GRAMD2B: variants seen among roughly 807,000 people sequenced by gnomAD.
GRAMD2B encodes the protein GRAM domain-containing protein 2B.
A neutral mutation model predicts 59.2 loss-of-function variants in GRAMD2B; 41 were observed. The observed-to-expected ratio is 0.69, with a 90% confidence interval of 0.54 to 0.90. The LOEUF (loss-of-function observed/expected upper bound fraction) is 0.90, where lower values mean the gene tolerates loss of function less well. Among genes scored for constraint, GRAMD2B ranks in the 40% least tolerant of loss-of-function variants. The pLI is 0.00. For missense variants in GRAMD2B, 424 were observed against 500.5 expected (o/e 0.85, Z 1.46); for synonymous variants, 161 against 182.7 (o/e 0.88, Z 0.96).
intron 1 of GRAMD2B, among the ~76,000 whole-genome samples, chr5:126,397,790 T>TC (rs1288997044): frequency 6.6e-6 from 1 of 152,200 alleles, no homozygotes; most frequent in Non-Finnish European, 1.5e-5. Flanking sequence ...TGAAAATTTT[T>TC]GTATCTGTGT....
intron 1 of GRAMD2B, among the ~76,000 whole-genome samples, chr5:126,364,742 C>G (rs1378164001): frequency 6.6e-6 from 1 of 152,224 alleles, no homozygotes; most frequent in Non-Finnish European, 1.5e-5. Context: ...CCTATTGGCT[C>G]TAAAACCTCT....
At position 126,468,158 on chromosome 5, in the gene GRAMD2B, C is replaced by T. The variant is rs376314596; in HGVS notation, c.204-1519C>T. Among the ~76,000 whole-genome samples the T allele has an allele frequency of 1.2e-4, 19 of 152,306 alleles. 2 individuals are homozygous for T. The highest frequency in any genetic ancestry group is 2.6e-4 in the Admixed American group (4 of 15,296). On this transcript the variant is annotated intron_variant, in intron 2 of 13. Transcript: ENST00000285689. ...TATATAACTCCAAAAATCATCTATG[C>T]ATTCTACTTTGAAATGACTGCGTTT...
chr5:126,448,290 A>G (rs1764720316), intron 1 of GRAMD2B, among the ~76,000 whole-genome samples: 1 of 152,168 alleles, frequency 6.6e-6, no homozygotes, highest in African/African-American at 2.4e-5. Flanking sequence ...GTTGCCAGGT[A>G]GGAGGTGACC....
chr5:126,488,652 G>A, intron 12 of GRAMD2B, 147 bp from the exon 13 acceptor site: 1 of 535,514 alleles, frequency 1.9e-6, no homozygotes, highest in South Asian at 2.9e-5. Flanking sequence ...GCGGATTACT[G>A]CAGGGCTTTG....
intron 1 of GRAMD2B, among the ~76,000 whole-genome samples, chr5:126,406,949 TAAC>T (rs1028866547): frequency 1.8e-4 from 27 of 152,158 alleles, no homozygotes; most frequent in African/African-American, 6.5e-4. Flanking sequence ...GTAATAACAA[TAAC>T]AAACTCTGTA....
At chr5:126,466,335 G>C in intron 2 of GRAMD2B, 1 of 1,334,186 alleles carries the variant, frequency 7.5e-7, no homozygotes, top group Non-Finnish European at 1.1e-6. Context: ...TCAGGACCAA[G>C]AGTAAGTCTT....
chr5:126,360,183 G>A (rs530634713), exon 1 of GRAMD2B: 57 of 856,978 alleles, frequency 6.7e-5, no homozygotes, highest in Non-Finnish European at 8.3e-5. Flanking sequence ...CTGAGCAGAC[G>A]CTGAAAGAGA....
intron 1 of GRAMD2B, among the ~76,000 whole-genome samples, chr5:126,399,465 C>T (rs1201485462): frequency 6.6e-6 from 1 of 152,084 alleles, no homozygotes; most frequent in African/African-American, 2.4e-5. Context: ...TGTGAGTTCT[C>T]ACAAGTTTAA....
intron 1 of GRAMD2B, among the ~76,000 whole-genome samples, chr5:126,409,449 C>A (rs1758564240): frequency 1.3e-5 from 2 of 152,184 alleles, no homozygotes; most frequent in Non-Finnish European, 2.9e-5. Context: ...TGATGGTGAG[C>A]ATTTTTTCAT....
In GRAMD2B at chr5:126,391,336, AAAAAC is replaced by A. The variant is rs1452081594; in HGVS notation, c.125+19770_125+19774del. On this transcript the variant is annotated intron_variant, in intron 1 of 8. Transcript: ENST00000506445. ...CTCCATCTCAAAAAAAAAAAAAAAA[AAAAAC>A]TTGTACACTGTTATTTGTCAGTTAT... 2.1e-4 allele frequency among the ~76,000 whole-genome samples: 29 copies of A among 139,496 alleles called. No homozygotes were observed. In the East Asian group the frequency reaches 5.9e-3, roughly 29 times the overall value. The allele number at this position is 139,496 out of a possible 152,430, so 91.5% of individuals were successfully genotyped here.
chr5:126,380,100 C>A lies in GRAMD2B; in HGVS notation c.125+8533C>A, dbSNP rs113621579. On this transcript the variant is annotated intron_variant, in intron 1 of 8. Transcript: ENST00000506445. ...GATTTTTATATAAGGTGGGAGATGACGATACAGTTTCATTCTTCTGCATGT... is the reference window on the plus strand; with the variant it reads ...GATTTTTATATAAGGTGGGAGATGAAGATACAGTTTCATTCTTCTGCATGT... Among the ~76,000 whole-genome samples, 9 of 152,064 alleles carry A rather than the reference C, an allele frequency of 5.9e-5. No homozygotes were observed. The South Asian group carries it at 1.9e-3, about 32-fold the overall frequency.
intron 1 of GRAMD2B, among the ~76,000 whole-genome samples, chr5:126,455,279 T>C (rs1281636194): frequency 6.6e-6 from 1 of 152,232 alleles, no homozygotes; most frequent in African/African-American, 2.4e-5. Context: ...AAGGTGGGCA[T>C]TTAATATCTT....
At chr5:126,491,363 T>G (rs1773905414) in intron 13 of GRAMD2B, among the ~76,000 whole-genome samples, 1 of 152,216 alleles carries the variant, frequency 6.6e-6, no homozygotes. Flanking sequence ...TTTTCTTAGT[T>G]CTGGAAGTGG....
Position 126,472,201 on chromosome 5 carries a change from T to C in GRAMD2B, c.316-37T>C, listed in dbSNP as rs762132612. On this transcript the variant is annotated intron_variant, in intron 3 of 13. Coordinates refer to ENST00000285689, the MANE Select transcript of GRAMD2B (RefSeq NM_023927.4). ...GAATTTGTGATGTTTCACAAGAAAGTGAGAATGGTGATGCTTGTATTTTGT... is the reference window on the plus strand; with the variant it reads ...GAATTTGTGATGTTTCACAAGAAAGCGAGAATGGTGATGCTTGTATTTTGT... 3 of 1,515,366 alleles carry C rather than the reference T, an allele frequency of 2.0e-6. No individual in the cohort carries two copies. The East Asian group carries it at 6.8e-5, about 34-fold the overall frequency. 93.9% of individuals were successfully genotyped at this position (1,515,366 alleles called of 1,614,324 possible). A position where few individuals can be genotyped will look rare whatever the true frequency, so the allele number is the denominator to read the frequency against.
chr5:126,475,163 C>T (rs1482720383), intron 5 of GRAMD2B, among the ~76,000 whole-genome samples: 1 of 152,144 alleles, frequency 6.6e-6, no homozygotes, highest in Non-Finnish European at 1.5e-5. Context: ...TTAATCCGGA[C>T]CTTTTTAGTC....
chr5:126,455,797 C>T (rs537708836), intron 1 of GRAMD2B, among the ~76,000 whole-genome samples: 3 of 152,248 alleles, frequency 2.0e-5, no homozygotes, highest in African/African-American at 4.8e-5. Context: ...GACATAGTGC[C>T]CTCCCCATAC....
chr5:126,389,834 G>C (rs1392612633), intron 1 of GRAMD2B, among the ~76,000 whole-genome samples: 1 of 152,030 alleles, frequency 6.6e-6, no homozygotes, highest in Non-Finnish European at 1.5e-5. Context: ...TGTAGTCCCA[G>C]CTACTTGGGA....
At chr5:126,453,055 A>G (rs1427520440) in intron 1 of GRAMD2B, among the ~76,000 whole-genome samples, 1 of 152,184 alleles carries the variant, frequency 6.6e-6, no homozygotes, top group Non-Finnish European at 1.5e-5. Flanking sequence ...GTGACATCCA[A>G]TTGCTGGTGG....
chr5:126,450,652 TAA>T (rs10544199), intron 1 of GRAMD2B, among the ~76,000 whole-genome samples: 40,888 of 95,566 alleles, frequency 0.43, 8,829 homozygotes, highest in Middle Eastern at 0.52. Flanking sequence ...AGCCTGCTGT[TAA>T]AAAAAAAAAA....
Sources: allele counts gnomAD v4.1 joint callset (sites outside exome capture counted in the v4.1 genomes callset), GRCh38; gene constraint gnomAD v4.1.1; transcripts MANE v1.5; gene names NCBI Gene and HGNC (gene_info 2026-07-23, HGNC 2026-07-21).